Variants in ROR2 observed in about 807,000 individuals in gnomAD.
ROR2 encodes ROR family WNT receptor 2, also known as tyrosine-protein kinase transmembrane receptor ROR2.
A neutral mutation model predicts 74.9 loss-of-function variants in ROR2; 33 were observed. The ratio of observed to expected loss-of-function variants is 0.44; its 90% confidence interval spans 0.33 to 0.59. The LOEUF (loss-of-function observed/expected upper bound fraction) is 0.59, where lower values mean the gene tolerates loss of function less well. ROR2 is among the 20% of genes least tolerant of loss of function. ROR2 has a pLI of 0.02. For missense variants in ROR2, 1,216 were observed against 1,313.8 expected (o/e 0.93, Z 1.15); for synonymous variants, 586 against 558.7 (o/e 1.05, Z -0.69).
At chr9:91,776,466 A>T (rs1826423349) in intron 1 of ROR2, among the ~76,000 whole-genome samples, 1 of 152,224 alleles carries the variant, frequency 6.6e-6, no homozygotes, top group Non-Finnish European at 1.5e-5. Flanking sequence ...CTATTCTCTA[A>T]GTCTCCCTGC....
chr9:91,785,492 T>A (rs1826767346), intron 1 of ROR2, among the ~76,000 whole-genome samples: 1 of 152,244 alleles, frequency 6.6e-6, no homozygotes, highest in Admixed American at 6.5e-5. Context: ...TGGTGGTCTG[T>A]CCCACCCCTG....
chr9:91,937,995 G>A (rs1185547792), intron 1 of ROR2, among the ~76,000 whole-genome samples: 1 of 152,214 alleles, frequency 6.6e-6, no homozygotes, highest in Non-Finnish European at 1.5e-5. Flanking sequence ...TGGGATTACA[G>A]GCAAGGGCCA....
At chr9:91,806,532 G>A (rs982011515) in intron 1 of ROR2, among the ~76,000 whole-genome samples, 1 of 152,212 alleles carries the variant, frequency 6.6e-6, no homozygotes, top group Non-Finnish European at 1.5e-5. Context: ...CAGTGGTTTG[G>A]AGAGAGGAAA....
chr9:91,783,847 C>A (rs1826705214), intron 1 of ROR2, among the ~76,000 whole-genome samples: 1 of 152,182 alleles, frequency 6.6e-6, no homozygotes, highest in African/African-American at 2.4e-5. Flanking sequence ...CACAACCTCC[C>A]CACTCCACTG....
At position 91,723,847 on chromosome 9, in the gene ROR2, T is replaced by C; in HGVS notation, c.2647A>G (p.Met883Val). The C allele has an allele frequency of 6.2e-7, 1 of 1,613,928 alleles. No homozygotes were observed. The highest frequency in any genetic ancestry group is 1.6e-4 in the Middle Eastern group (1 of 6,062). The part of the protein sequence containing the change: ...YVTTAPSNTS[M>V]ADRAALLSEG... ...GAGAGCAGGGCTGCCCTGTCTGCCA[T>C]GGATGTGTTGGAGGGGGCCGTGGTG... is the stretch of plus-strand genomic sequence containing the variant. The change falls in exon 9 of 9, where the codon ATG becomes GTG. Residue 883 changes from methionine (M) to valine (V), a missense_variant. Physicochemically the swap from Met to Val is conservative, Grantham distance 21. Coordinates refer to ENST00000375708, the MANE Select transcript of ROR2 (RefSeq NM_004560.4).
At position 91,723,652 on chromosome 9, in the gene ROR2, C is replaced by T. The variant is rs777773974; in HGVS notation, c.*10G>A. On this transcript the variant is annotated 3_prime_UTR_variant, in exon 9 of 9. Coordinates refer to ENST00000375708, the MANE Select transcript of ROR2 (RefSeq NM_004560.4). The stretch of plus-strand genomic sequence containing the variant: ...GGCTTCTATCCCCGAACCCCGGGCC[C>T]TGGTGCCACTCAAGCTTCCAGCTGG... 2.5e-5 allele frequency: 40 copies of T among 1,613,018 alleles called. No individual in the cohort carries two copies. The highest frequency in any genetic ancestry group is 3.1e-5 in the Non-Finnish European group (37 of 1,179,776).
At position 91,759,073 on chromosome 9, in the gene ROR2, T is replaced by C. The variant is rs572549768; in HGVS notation, c.176-1514A>G. ...TCATTTCTGGTTGGCCTTGATCCTTTCTTTTCAAGTGAAGTTGAAAGATGG... is the reference window on the plus strand; with the variant it reads ...TCATTTCTGGTTGGCCTTGATCCTTCCTTTTCAAGTGAAGTTGAAAGATGG... On this transcript the variant is annotated intron_variant, in intron 2 of 8. Transcript: ENST00000375708. 2.0e-3 allele frequency among the ~76,000 whole-genome samples: 298 copies of C among 152,374 alleles called. 4 individuals carry two copies. The highest frequency in any genetic ancestry group is 6.9e-3 in the African/African-American group (289 of 41,586).
At chr9:91,762,402 C>T (rs927862644) in intron 2 of ROR2, among the ~76,000 whole-genome samples, 3 of 152,314 alleles carry the variant, frequency 2.0e-5, no homozygotes, top group East Asian at 3.9e-4. Flanking sequence ...AATAACATAA[C>T]CTTTTTGCTT....
chr9:91,830,212 T>G (rs1828421917), intron 1 of ROR2, among the ~76,000 whole-genome samples: 1 of 152,176 alleles, frequency 6.6e-6, no homozygotes, highest in African/African-American at 2.4e-5. Flanking sequence ...TGCCTGTAAT[T>G]CCAGCAATTT....
chr9:91,759,779 C>T (rs892315809), intron 2 of ROR2, among the ~76,000 whole-genome samples: 2 of 152,160 alleles, frequency 1.3e-5, no homozygotes, highest in African/African-American at 4.8e-5. Flanking sequence ...TAAAGGCCTG[C>T]CCAGGTGGGA....
chr9:91,911,682 C>A lies in ROR2; in HGVS notation c.97+38185G>T, dbSNP rs955032607. Among the ~76,000 whole-genome samples the A allele has an allele frequency of 2.0e-5, 3 of 152,048 alleles. No homozygotes were observed. In the East Asian group the frequency reaches 5.8e-4, roughly 29 times the overall value. ...TGCAAGCAAAAACTACAGATGGAGGCTAGAATTAGTGGAGGAGAACATGAT... is the reference window on the plus strand; with the variant it reads ...TGCAAGCAAAAACTACAGATGGAGGATAGAATTAGTGGAGGAGAACATGAT... On this transcript the variant is annotated intron_variant, in intron 1 of 8. Coordinates refer to ENST00000375708, the MANE Select transcript of ROR2 (RefSeq NM_004560.4).
At chr9:91,898,677 G>A (rs141286811) in intron 1 of ROR2, among the ~76,000 whole-genome samples, 74 of 152,320 alleles carry the variant, frequency 4.9e-4, no homozygotes, top group African/African-American at 1.5e-3. Flanking sequence ...AGAGATGCCC[G>A]TAAATCACCA....
chr9:91,740,519 T>C (rs1444858817), intron 4 of ROR2, among the ~76,000 whole-genome samples: 1 of 148,556 alleles, frequency 6.7e-6, no homozygotes, highest in African/African-American at 2.5e-5. Context: ...GCCACTGCAC[T>C]CCAGCCTGGG....
At chr9:91,883,629 A>G (rs886656118) in intron 1 of ROR2, among the ~76,000 whole-genome samples, 2 of 152,196 alleles carry the variant, frequency 1.3e-5, no homozygotes, top group Admixed American at 1.3e-4. Flanking sequence ...CATTGTAGAA[A>G]ATTCTATTGG....
intron 1 of ROR2, among the ~76,000 whole-genome samples, chr9:91,856,406 C>A (rs1829289110): frequency 1.3e-5 from 2 of 152,166 alleles, no homozygotes; most frequent in Non-Finnish European, 2.9e-5. Flanking sequence ...TGTGTTCCTC[C>A]AAAATTCACA....
At chr9:91,920,030 C>T (rs1303545781) in intron 1 of ROR2, among the ~76,000 whole-genome samples, 1 of 152,210 alleles carries the variant, frequency 6.6e-6, no homozygotes, top group Non-Finnish European at 1.5e-5. Flanking sequence ...ACATAAATCC[C>T]ACTCAACTCC....
At chr9:91,943,364 G>A (rs115210140) in intron 1 of ROR2, among the ~76,000 whole-genome samples, 7 of 151,494 alleles carry the variant, frequency 4.6e-5, no homozygotes, top group East Asian at 1.9e-4. Context: ...TACAAATTAC[G>A]GTGCATAATT....
intron 1 of ROR2, among the ~76,000 whole-genome samples, chr9:91,845,204 C>G (rs982529173): frequency 6.6e-6 from 1 of 152,120 alleles, no homozygotes; most frequent in Non-Finnish European, 1.5e-5. Context: ...CACCACCCAG[C>G]ACCCTCACTC....
intron 1 of ROR2, among the ~76,000 whole-genome samples, chr9:91,921,648 G>C (rs543387189): frequency 6.6e-4 from 100 of 152,282 alleles, no homozygotes; most frequent in South Asian, 4.4e-3. Flanking sequence ...TGGATTACTT[G>C]AGGTCAGAAG....
Sources: allele counts gnomAD v4.1 joint callset (sites outside exome capture counted in the v4.1 genomes callset), GRCh38; gene constraint gnomAD v4.1.1; transcripts MANE v1.5; gene names NCBI Gene and HGNC (gene_info 2026-07-23, HGNC 2026-07-21).